The following ABCA1 variants were observed in gnomAD, a reference collection of about 807,000 sequenced individuals.
ABCA1 encodes phospholipid-transporting ATPase ABCA1.
In ABCA1, 133 loss-of-function variants were observed where a neutral mutation model predicts 262.5. The observed-to-expected ratio is 0.51, with a 90% CI of 0.44 to 0.59. The LOEUF (loss-of-function observed/expected upper bound fraction) is 0.59. Among genes scored for constraint, ABCA1 ranks in the 20% least tolerant of loss-of-function variants. The probability of loss-of-function intolerance (pLI) is 0.00; values close to 1 mark genes in which losing one functional copy is unlikely to be tolerated. For synonymous variants in ABCA1, 1,022 were observed against 1,043.5 expected, an observed-to-expected ratio of 0.98 and a Z score of 0.40; for missense variants, 2,452 against 2,777.5, an observed-to-expected ratio of 0.88 and a Z score of 2.63.
chr9:104,857,119 C>T (rs150889882), intron 7 of ABCA1, among the ~76,000 whole-genome samples: 2 of 152,158 alleles, frequency 1.3e-5, no homozygotes, highest in Non-Finnish European at 2.9e-5. Context: ...AGCTGGGCAA[C>T]ATAGTGAAAC....
intron 7 of ABCA1, 45 bp downstream of exon 7, chr9:104,858,477 A>C (rs1836041332): frequency 6.3e-7 from 1 of 1,593,424 alleles, no homozygotes; most frequent in Admixed American, 1.7e-5. Flanking sequence ...TCACATTCCG[A>C]AAGCATTAGT....
chr9:104,816,232 C>G lies in ABCA1; in HGVS notation c.3649G>C (p.Ala1217Pro). The G allele has an allele frequency of 1.2e-6, 2 of 1,614,174 alleles. No homozygotes were observed. Among genetic ancestry groups the G allele is most frequent in the Non-Finnish European group, 1.7e-6 (2 of 1,180,038 alleles). ...ATCTCATGAAAGAGTTCCACAAAGG[C>G]TCCCTCCTTAGCAGCTTCATATGGC... ...VLPYEAAKEG[A>P]FVELFHEIDD... The change falls in exon 25 of 50, where the codon GCC becomes CCC. Residue 1217 changes from alanine (A) to proline (P), a missense_variant. By Grantham distance (27) the Ala-to-Pro change is conservative. Transcript: ENST00000374736.
intron 5 of ABCA1, among the ~76,000 whole-genome samples, chr9:104,868,149 C>T (rs117860433): frequency 0.043 from 6,616 of 152,178 alleles, 146 homozygotes; most frequent in African/African-American, 0.049. Flanking sequence ...CAACTGAGGT[C>T]GGAAGTTCGA....
intron 22 of ABCA1, among the ~76,000 whole-genome samples, chr9:104,819,086 T>C (rs1276298026): frequency 6.6e-6 from 1 of 152,202 alleles, no homozygotes; most frequent in Non-Finnish European, 1.5e-5. Flanking sequence ...GTAAGAACAG[T>C]AGCATTTTAT....
intron 25 of ABCA1, among the ~76,000 whole-genome samples, chr9:104,815,735 CCTGATT>C (rs1293995619): frequency 6.6e-6 from 1 of 152,180 alleles, no homozygotes; most frequent in African/African-American, 2.4e-5. Context: ...GAGAATTGCT[CCTGATT>C]CTGATTCAGT....
intron 39 of ABCA1, 113 bp downstream of exon 39, chr9:104,795,940 G>GCAGT (rs1490894043): frequency 1.4e-6 from 2 of 1,424,668 alleles, no homozygotes; most frequent in Non-Finnish European, 2.0e-6. Flanking sequence ...ACAGGACAAG[G>GCAGT]CAGTCAGCAG....
intron 13 of ABCA1, 111 bp from the exon 14 acceptor site, chr9:104,831,212 T>A: frequency 9.5e-7 from 1 of 1,055,386 alleles, no homozygotes; most frequent in Non-Finnish European, 1.3e-6. Flanking sequence ...CCTTTTTCTA[T>A]TTTTGTATCT....
Position 104,781,896 on chromosome 9 carries a change from A to C in ABCA1, c.*2419T>G, listed in dbSNP as rs1184439853. On this transcript the variant is annotated 3_prime_UTR_variant, in exon 50 of 50. Transcript: ENST00000374736. ...CTACCACAATTAGGTTTACACAGGA[A>C]AATGTAAAAAATTACTATTTTAAAA... 1 of 152,234 alleles carries C rather than the reference A, an allele frequency of 6.6e-6. No individual in the cohort carries two copies. Among genetic ancestry groups the C allele is most frequent in the Admixed American group, 6.5e-5 (1 of 15,282 alleles). 9.4% of individuals were successfully genotyped at this position (152,234 alleles called of 1,614,324 possible). A position where few individuals can be genotyped will look rare whatever the true frequency, so the allele number is the denominator to read the frequency against.
At chr9:104,905,601 T>A (rs1564285662) in intron 1 of ABCA1, among the ~76,000 whole-genome samples, 1 of 152,240 alleles carries the variant, frequency 6.6e-6, no homozygotes, top group Non-Finnish European at 1.5e-5. Flanking sequence ...CAGCACTGCA[T>A]CAGTTTGTTC....
Position 104,784,455 on chromosome 9 carries a change from C to A in ABCA1, c.6646G>T (p.Val2216Leu), listed in dbSNP as rs1828730852. ...TGGTCCTTGGCAAAGTTCACAAATA[C>A]CTGTTAAAAGATTAAGATGGACCTT... Reference protein sequence around the residue: ...YSVSQTTLDQVFVNFAKDQSD... With the variant: ...YSVSQTTLDQLFVNFAKDQSD... The change falls in exon 50 of 50, where the codon GTA becomes TTA. Residue 2216 changes from valine (V) to leucine (L), a missense_variant and splice_region_variant. Transcript: ENST00000374736. 2 of 1,613,996 alleles carry A rather than the reference C, an allele frequency of 1.2e-6. No individual in the cohort carries two copies. Among genetic ancestry groups the A allele is most frequent in the Non-Finnish European group, 1.7e-6 (2 of 1,179,956 alleles).
chr9:104,870,866 G>T (rs1837544748), intron 5 of ABCA1, among the ~76,000 whole-genome samples: 1 of 152,096 alleles, frequency 6.6e-6, no homozygotes. Context: ...GGGGCAGGGG[G>T]TCACAAGGTG....
Position 104,786,383 on chromosome 9 carries a change from C to T in ABCA1, c.6316G>A (p.Glu2106Lys), listed in dbSNP as rs750878525. The stretch of plus-strand genomic sequence containing the variant: ...ATCCTAGTGCAAAGAGCTTCACATT[C>T]TTCCATACTGCGGTAAAACAGAAAG... ...SVVLTSHSME[E>K]CEALCTRMAI... The change falls in exon 48 of 50, where the codon GAA becomes AAA. Residue 2106 changes from glutamate (E) to lysine (K), a missense_variant. Around this residue, in one of 4 missense-constraint regions of ABCA1, gnomAD observed 752 missense variants for 944.5 expected, o/e 0.80. Coordinates refer to ENST00000374736, the MANE Select transcript of ABCA1 (RefSeq NM_005502.4). 1.9e-6 allele frequency: 3 copies of T among 1,614,062 alleles called. No homozygotes were observed. The highest frequency in any genetic ancestry group is 2.5e-6 in the Non-Finnish European group (3 of 1,179,944).
In ABCA1 at chr9:104,812,642, G is replaced by T; in HGVS notation, c.3982C>A (p.Gln1328Lys). 6.2e-7 allele frequency: 1 copy of T among 1,614,214 alleles called. No homozygotes were observed. The highest frequency in any genetic ancestry group is 8.5e-7 in the Non-Finnish European group (1 of 1,180,054). The stretch of plus-strand genomic sequence containing the variant: ...CTCTTCCACAAAAGGGCCACAAACT[G>T]TTGCTGTGTAAGTTTCCAGCCTTTC... ...QVKGWKLTQQ[Q>K]FVALLWKRLL... Residue 1328 changes from glutamine to lysine, a missense_variant, in exon 28 of 50, where the codon CAG becomes AAG. Coordinates refer to ENST00000374736, the MANE Select transcript of ABCA1 (RefSeq NM_005502.4).
intron 8 of ABCA1, among the ~76,000 whole-genome samples, chr9:104,843,060 C>T (rs1011456736): frequency 6.6e-6 from 1 of 152,152 alleles, no homozygotes; most frequent in African/African-American, 2.4e-5. Context: ...CCTTCAGGTC[C>T]AACTGTCACC....
intron 8 of ABCA1, among the ~76,000 whole-genome samples, chr9:104,842,909 C>G (rs1834510444): frequency 6.6e-6 from 1 of 152,176 alleles, no homozygotes; most frequent in Non-Finnish European, 1.5e-5. Context: ...CTGCTCTGAG[C>G]TCCTCTCCTC....
At chr9:104,867,760 A>C (rs1420828071) in intron 5 of ABCA1, among the ~76,000 whole-genome samples, 1 of 152,244 alleles carries the variant, frequency 6.6e-6, no homozygotes. Flanking sequence ...GGATGGATAT[A>C]GGTGGAAGAT....
At chr9:104,896,592 T>TC (rs1350839673) in intron 2 of ABCA1, among the ~76,000 whole-genome samples, 1 of 151,296 alleles carries the variant, frequency 6.6e-6, no homozygotes, top group Non-Finnish European at 1.5e-5. Flanking sequence ...GACAATGAGC[T>TC]CCCCCATATA....
intron 1 of ABCA1, among the ~76,000 whole-genome samples, chr9:104,911,392 C>A (rs1054168909): frequency 6.6e-6 from 1 of 152,164 alleles, no homozygotes; most frequent in Non-Finnish European, 1.5e-5. Context: ...GGATCGGTAG[C>A]CACGTTCAGG....
In ABCA1 at chr9:104,818,860, G is replaced by A; in HGVS notation, c.3265C>T (p.His1089Tyr). Residue 1089 changes from histidine to tyrosine, a missense_variant, in exon 23 of 50, where the codon CAC (histidine) becomes TAC (tyrosine). Physicochemically the swap from His to Tyr is moderately conservative, Grantham distance 83. Around this residue, in one of 4 missense-constraint regions of ABCA1, gnomAD observed 665 missense variants for 727.3 expected, o/e 0.91. Transcript: ENST00000374736. ...AGGACGTCCGCTTCATCCATGTGGT[G>A]TGTAGAGAGAATAATGGTGCGGCCT... ...RQGRTIILST[H>Y]HMDEADVLGD... The A allele has an allele frequency of 6.2e-7, 1 of 1,613,806 alleles. No individual in the cohort carries two copies. Among genetic ancestry groups the A allele is most frequent in the Non-Finnish European group, 8.5e-7 (1 of 1,179,998 alleles).
Sources: allele counts gnomAD v4.1 joint callset (sites outside exome capture counted in the v4.1 genomes callset), GRCh38; gene constraint gnomAD v4.1.1; regional missense constraint gnomAD v4.1.1; transcripts MANE v1.5; gene names NCBI Gene and HGNC (gene_info 2026-07-23, HGNC 2026-07-21).